The following PIWIL4 variants were observed in gnomAD, a reference collection of about 807,000 sequenced individuals.
PIWIL4 encodes the protein piwi-like protein 4.
Under a neutral mutation model 100.9 loss-of-function variants are expected in PIWIL4, and 50 were observed. The ratio of observed to expected loss-of-function variants is 0.50; its 90% CI spans 0.39 to 0.63. The LOEUF is 0.63. Ranked by LOEUF, PIWIL4 falls within the 20% of genes least tolerant of loss-of-function variation. The probability of loss-of-function intolerance (pLI) is 0.00; values close to 1 mark genes in which losing one functional copy is unlikely to be tolerated. For missense variants in PIWIL4, 887 were observed against 1,043.3 expected (o/e 0.85, Z 2.06); for synonymous variants, 342 against 367.5 (o/e 0.93, Z 0.79).
intron 8 of PIWIL4, among the ~76,000 whole-genome samples, chr11:94,589,717 G>C (rs368658778): frequency 6.6e-6 from 1 of 151,942 alleles, no homozygotes; most frequent in Non-Finnish European, 1.5e-5. Flanking sequence ...ACAGCCAGAC[G>C]AACACTAGAC....
At chr11:94,594,412 G>A (rs1048343125) in intron 9 of PIWIL4, among the ~76,000 whole-genome samples, 11 of 149,946 alleles carry the variant, frequency 7.3e-5, no homozygotes, top group African/African-American at 2.7e-4. Flanking sequence ...GTTGCAGTGA[G>A]CCGCGATCAC....
At position 94,599,131 on chromosome 11, in the gene PIWIL4, C is replaced by T. The variant is rs528704987; in HGVS notation, c.1380+1216C>T. On this transcript the variant is annotated intron_variant, in intron 11 of 19. Transcript: ENST00000299001. ...TGGTAAAGTACTAAAATGTAGACTC[C>T]CATTAGGATCTTGGCGAGAGTTCAG... Among the ~76,000 whole-genome samples the T allele has an allele frequency of 2.0e-5, 3 of 152,232 alleles. No individual in the cohort carries two copies. In the South Asian group the frequency reaches 6.2e-4, roughly 32 times the overall value.
intron 12 of PIWIL4, among the ~76,000 whole-genome samples, chr11:94,602,824 A>G (rs1329544956): frequency 6.6e-6 from 1 of 152,214 alleles, no homozygotes; most frequent in Non-Finnish European, 1.5e-5. Context: ...CTCTCCTCTT[A>G]TCAAATCTGT....
chr11:94,619,992 C>T lies in PIWIL4; in HGVS notation c.2295-5C>T. ...TTCCTACATTCATTCCATTTTCCCC[C>T]TCAGGTATGACTTTTATCTGATCAG... On this transcript the variant is annotated splice_region_variant and splice_polypyrimidine_tract_variant and intron_variant, in intron 18 of 19. Transcript: ENST00000299001. 6.2e-7 allele frequency: 1 copy of T among 1,614,158 alleles called. No individual in the cohort carries two copies. The highest frequency in any genetic ancestry group is 8.5e-7 in the Non-Finnish European group (1 of 1,180,016).
At chr11:94,568,580 CTCTCT>C (rs1242418346) in intron 1 of PIWIL4, 145 bp from the exon 2 acceptor site, 3 of 512,770 alleles carry the variant, frequency 5.9e-6, no homozygotes, top group Non-Finnish European at 1.1e-5. Flanking sequence ...AGAATGGGCA[CTCTCT>C]TCTCATCTCT....
At chr11:94,602,053 C>A in intron 12 of PIWIL4, 74 bp downstream of exon 12, 1 of 1,369,024 alleles carries the variant, frequency 7.3e-7, no homozygotes, top group Non-Finnish European at 9.9e-7. Context: ...GCAGATGTAT[C>A]AACAAAAGCT....
At position 94,568,795 on chromosome 11, in the gene PIWIL4, G is replaced by T; in HGVS notation, c.153G>T (p.Arg51Ser). The stretch of plus-strand genomic sequence containing the variant: ...GCAATGGCTTCTTGGGAACAAGCAG[G>T]ATCTCAACCAACGGTAAGTGCAGCT... The part of the protein sequence containing the change: ...SSSNGFLGTS[R>S]ISTNDKYGIS... The change falls in exon 2 of 20, where the codon AGG becomes AGT. Residue 51 changes from arginine to serine, a missense_variant. By Grantham distance (110) the Arg-to-Ser change is moderately radical. Around this residue, in one of 2 missense-constraint regions of PIWIL4, gnomAD observed 146 missense variants for 113.4 expected, o/e 1.29. Coordinates refer to ENST00000299001, the MANE Select transcript of PIWIL4 (RefSeq NM_152431.3). 1 of 1,601,730 alleles carries T rather than the reference G, an allele frequency of 6.2e-7. No homozygotes were observed. Among genetic ancestry groups the T allele is most frequent in the Admixed American group, 1.7e-5 (1 of 60,004 alleles).
chr11:94,606,446 T>C (rs1470831437), intron 13 of PIWIL4, among the ~76,000 whole-genome samples: 1 of 152,242 alleles, frequency 6.6e-6, no homozygotes, highest in Non-Finnish European at 1.5e-5. Context: ...AGTGCATGTC[T>C]TTTCTACAAT....
chr11:94,599,205 C>T (rs1247906919), intron 11 of PIWIL4, among the ~76,000 whole-genome samples: 1 of 152,192 alleles, frequency 6.6e-6, no homozygotes, highest in African/African-American at 2.4e-5. Flanking sequence ...GACTTATGTA[C>T]TTAAAATGAT....
chr11:94,589,194 G>A lies in PIWIL4; in HGVS notation c.988G>A (p.Asp330Asn). Residue 330 changes from aspartate (D) to asparagine (N), a missense_variant, in exon 8 of 20, where the codon GAT becomes AAT. Physicochemically the swap from Asp to Asn is conservative, Grantham distance 23. Transcript: ENST00000299001. ...GCCCACACACACCTTTCAGAAGCGG[G>A]ATGGCACCGAGATCACCTATGTGGA... ...VKPTHTFQKRDGTEITYVDYY... is the reference protein window; with the variant it reads ...VKPTHTFQKRNGTEITYVDYY... 1 of 1,611,378 alleles carries A rather than the reference G, an allele frequency of 6.2e-7. No individual in the cohort carries two copies. The highest frequency in any genetic ancestry group is 8.5e-7 in the Non-Finnish European group (1 of 1,177,584).
intron 13 of PIWIL4, among the ~76,000 whole-genome samples, chr11:94,605,369 G>T (rs1027495185): frequency 2.0e-5 from 3 of 152,116 alleles, no homozygotes; most frequent in Non-Finnish European, 4.4e-5. Context: ...CTCGATTTGG[G>T]TTTGTCTGAT....
rs1195552850 is a variant in PIWIL4 at position 94,617,655 on chromosome 11, A to G, written c.2015-299A>G. 5 of 396,180 alleles carry G rather than the reference A, an allele frequency of 1.3e-5. No individual in the cohort carries two copies. In the East Asian group the frequency reaches 1.5e-4, roughly 12 times the overall value. 24.5% of individuals were successfully genotyped at this position (396,180 alleles called of 1,614,324 possible). A position where few individuals can be genotyped will look rare whatever the true frequency, so the allele number is the denominator to read the frequency against. On this transcript the variant is annotated intron_variant, in intron 16 of 19. Transcript: ENST00000299001. Reference sequence around the variant, plus strand: ...AATATTTGATTTTAGGCATTTGTCTATTGCATTAATTTTTAATTTATTGCT... The same window carrying G: ...AATATTTGATTTTAGGCATTTGTCTGTTGCATTAATTTTTAATTTATTGCT...
At chr11:94,589,073 T>C (rs1485554895) in intron 7 of PIWIL4, 48 bp from the exon 8 acceptor site, 1 of 1,378,882 alleles carries the variant, frequency 7.3e-7, no homozygotes, top group African/African-American at 1.4e-5. Context: ...AGTAGCTGCT[T>C]ATGTTAGATG....
rs148156817 is a variant in PIWIL4, at chr11:94,615,085, C to A, written c.1944-1408C>A. Among the ~76,000 whole-genome samples, 346 of 152,230 alleles carry A rather than the reference C, an allele frequency of 2.3e-3. 1 individual carries two copies. The highest frequency in any genetic ancestry group is 7.3e-3 in the African/African-American group (302 of 41,534). On this transcript the variant is annotated intron_variant, in intron 15 of 19. Transcript: ENST00000299001. ...TTGAGGTGCTCCATAGGCAAGGTAT[C>A]CTAAGAAACCCACAGGAGGGCCTCT...
rs1948889668 is a variant in PIWIL4, at chr11:94,620,060, T to C, written c.2358T>C (p.Asn786=). 1 of 1,614,154 alleles carries C rather than the reference T, an allele frequency of 6.2e-7. No individual in the cohort carries two copies. Among genetic ancestry groups the C allele is most frequent in the Non-Finnish European group, 8.5e-7 (1 of 1,180,020 alleles). ...CRGTVSPTYY[N]VIYDDNGLKP... ...GAACTGTTAGTCCTACCTACTATAA[T>C]GTCATCTATGATGACAACGGCTTGA... The change falls in exon 19 of 20, where the codon AAT becomes AAC. Residue 786 remains asparagine, a synonymous_variant. Coordinates refer to ENST00000299001, the MANE Select transcript of PIWIL4 (RefSeq NM_152431.3).
chr11:94,586,740 A>G (rs950860232), intron 6 of PIWIL4, among the ~76,000 whole-genome samples: 11 of 152,206 alleles, frequency 7.2e-5, no homozygotes, highest in Non-Finnish European at 1.5e-4. Context: ...GGTAGAGGCC[A>G]GGGAAATGCT....
rs562084212 is a variant in PIWIL4 at position 94,604,107 on chromosome 11, C to T, written c.1638+51C>T. The T allele has an allele frequency of 1.3e-5, 16 of 1,229,564 alleles. No homozygotes were observed. In the South Asian group the frequency reaches 1.9e-4, roughly 14 times the overall value. 76.2% of individuals were successfully genotyped at this position (1,229,564 alleles called of 1,614,324 possible). On this transcript the variant is annotated intron_variant, in intron 13 of 19. Transcript: ENST00000299001. ...CCTTTAATCTATAATTTTAGTTCTG[C>T]TTTATATCTACAGTCTGAACATACC...
At chr11:94,569,321 A>G (rs1048781856) in intron 2 of PIWIL4, among the ~76,000 whole-genome samples, 3 of 151,958 alleles carry the variant, frequency 2.0e-5, no homozygotes, top group South Asian at 2.1e-4. Flanking sequence ...GAATGAAAGC[A>G]TGTCTTGTAG....
chr11:94,603,266 C>A (rs555325701), intron 12 of PIWIL4, among the ~76,000 whole-genome samples: 34 of 152,206 alleles, frequency 2.2e-4, no homozygotes, highest in African/African-American at 8.2e-4. Flanking sequence ...ATGGTCCTGT[C>A]ACCTGCTGGG....
Sources: gnomAD v4.1 joint callset for allele counts (sites outside exome capture counted in the v4.1 genomes callset) on GRCh38, gnomAD v4.1.1 for gene constraint, gnomAD v4.1.1 regional missense constraint, MANE v1.5 for transcripts, NCBI Gene and HGNC (gene_info 2026-07-23, HGNC 2026-07-21) for gene names.